The following MVB12B variants were observed in gnomAD, a reference collection of about 807,000 sequenced individuals.
The protein encoded by MVB12B is ESCRT-I complex subunit MVB12B.
MVB12B carries 16 observed loss-of-function variants against 41.6 expected under a neutral mutation model. The observed-to-expected ratio is 0.38, with a 90% confidence interval of 0.26 to 0.58. The LOEUF is 0.58. Among genes scored for constraint, MVB12B ranks in the 20% least tolerant of loss-of-function variants. The pLI, the probability that MVB12B is intolerant of heterozygous loss-of-function variation, is 0.62. For missense variants in MVB12B, 274 were observed against 380.2 expected (o/e 0.72, Z 2.32); for synonymous variants, 133 against 139.7 (o/e 0.95, Z 0.34).
At chr9:126,358,806 G>A (rs1829951184) in intron 2 of MVB12B, among the ~76,000 whole-genome samples, 1 of 152,120 alleles carries the variant, frequency 6.6e-6, no homozygotes, top group Non-Finnish European at 1.5e-5. Context: ...TCCCTGAACT[G>A]GCTAGAGCAT....
chr9:126,455,057 A>C lies in MVB12B; in HGVS notation c.758-26312A>C, dbSNP rs77737074. Among the ~76,000 whole-genome samples, 121 of 152,276 alleles carry C rather than the reference A, an allele frequency of 7.9e-4. 1 individual carries two copies. In the South Asian group the frequency reaches 0.012, roughly 15 times the overall value. On this transcript the variant is annotated intron_variant, in intron 7 of 9. Coordinates refer to ENST00000361171, the MANE Select transcript of MVB12B (RefSeq NM_033446.3). ...GTCCTGGCAGGGCTACCTGGGCCAA[A>C]ACCCTATTTCTAGGCCCCTTAAAGG...
chr9:126,340,596 C>T lies in MVB12B; in HGVS notation c.170C>T (p.Ala57Val), dbSNP rs1487674130. Residue 57 changes from alanine to valine, a missense_variant, in exon 2 of 10, where the codon GCT (alanine) becomes GTT (valine). By Grantham distance (64) the Ala-to-Val change is moderately conservative. Transcript: ENST00000361171. This position sits in a 1 kb window ranked among gnomAD's most constrained non-coding sequence, Gnocchi z 4.0. Reference sequence around the variant, plus strand: ...CCCATCACGGGAGTCGGGGTGGTGGCTTCTCGGAACCGAGCCCCGACAGGC... The same window carrying T: ...CCCATCACGGGAGTCGGGGTGGTGGTTTCTCGGAACCGAGCCCCGACAGGC... ...MDPITGVGVVASRNRAPTGYD... is the reference protein window; with the variant it reads ...MDPITGVGVVVSRNRAPTGYD... 3.7e-6 allele frequency: 6 copies of T among 1,614,108 alleles called. No individual in the cohort carries two copies. The highest frequency in any genetic ancestry group is 1.7e-5 in the Admixed American group (1 of 60,018).
Position 126,402,229 on chromosome 9 carries a change from G to T in MVB12B, c.662+6532G>T, listed in dbSNP as rs1831286270. Among the ~76,000 whole-genome samples, 6 of 152,226 alleles carry T rather than the reference G, an allele frequency of 3.9e-5. No individual in the cohort carries two copies. In the South Asian group the frequency reaches 1.2e-3, roughly 32 times the overall value. ...CCAGGTGATTCCAATGACTCTTTTT[G>T]TCCCCTAGTAATAAATTGTGACATG... is the stretch of plus-strand genomic sequence containing the variant. On this transcript the variant is annotated intron_variant, in intron 6 of 9. Transcript: ENST00000361171.
chr9:126,334,064 C>T (rs1829209955), intron 1 of MVB12B, among the ~76,000 whole-genome samples: 1 of 152,240 alleles, frequency 6.6e-6, no homozygotes, highest in Non-Finnish European at 1.5e-5. Context: ...TTAACGACCT[C>T]TTCTGGTGAT....
rs917643806 is a variant in MVB12B at position 126,506,468 on chromosome 9, G to A, written c.*3205G>A. 1 of 152,348 alleles carries A rather than the reference G, an allele frequency of 6.6e-6. No homozygotes were observed. Among genetic ancestry groups the A allele is most frequent in the Non-Finnish European group, 1.5e-5 (1 of 68,094 alleles). The allele number at this position is 152,348 out of a possible 1,614,324, so 9.4% of individuals were successfully genotyped here. A position where few individuals can be genotyped will look rare whatever the true frequency, so the allele number is the denominator to read the frequency against. On this transcript the variant is annotated 3_prime_UTR_variant, in exon 10 of 10. Transcript: ENST00000361171. ...GTTACGGACTTCCCGGCCGCCACTG[G>A]GCCCTGCCGGTCACCAGGCCACTGT... is the stretch of plus-strand genomic sequence containing the variant.
Position 126,473,829 on chromosome 9 carries a change from C to T in MVB12B, c.758-7540C>T, listed in dbSNP as rs1031149510. Among the ~76,000 whole-genome samples, 2 of 152,204 alleles carry T rather than the reference C, an allele frequency of 1.3e-5. No homozygotes were observed. The highest frequency in any genetic ancestry group is 2.9e-5 in the Non-Finnish European group (2 of 68,040). ...TGGGTGGGGACACAGATTCAAGCCA[C>T]GTTAAGTGGTAATGTTGAGGCTTGA... is the stretch of plus-strand genomic sequence containing the variant. On this transcript the variant is annotated intron_variant, in intron 7 of 9. Transcript: ENST00000361171. This position sits in a 1 kb window ranked among gnomAD's most constrained non-coding sequence, Gnocchi z 4.0.
intron 7 of MVB12B, among the ~76,000 whole-genome samples, chr9:126,466,705 A>G (rs1341080387): frequency 6.6e-6 from 1 of 152,196 alleles, no homozygotes. Context: ...GGTGCCCTAG[A>G]GATGCATACT....
chr9:126,495,192 A>T (rs1274178336), intron 9 of MVB12B, among the ~76,000 whole-genome samples: 1 of 1,422 alleles, frequency 7.0e-4, no homozygotes, highest in Non-Finnish European at 0.013. Context: ...ATCCTGTCTC[A>T]AAAAAAAAAA....
At chr9:126,373,871 AAC>A in intron 2 of MVB12B, among the ~76,000 whole-genome samples, 1 of 152,244 alleles carries the variant, frequency 6.6e-6, no homozygotes, top group South Asian at 2.1e-4. Flanking sequence ...GAAAAAAAAG[AAC>A]ATTAAAAATA....
intron 9 of MVB12B, among the ~76,000 whole-genome samples, chr9:126,493,892 C>T (rs1833781571): frequency 6.6e-6 from 1 of 152,148 alleles, no homozygotes; most frequent in South Asian, 2.1e-4. Flanking sequence ...CATCGGTTCC[C>T]CAGGCAGGCA....
chr9:126,335,116 A>C, intron 1 of MVB12B: 9 of 575,090 alleles, frequency 1.6e-5, no homozygotes, highest in Non-Finnish European at 2.0e-5. Context: ...GCGATCTAGG[A>C]GAGCTTAGAA....
chr9:126,415,540 T>C (rs1277978182), intron 6 of MVB12B, among the ~76,000 whole-genome samples: 1 of 152,178 alleles, frequency 6.6e-6, no homozygotes, highest in Non-Finnish European at 1.5e-5. Context: ...CGTAAAAATA[T>C]CGTGAATCAG....
intron 9 of MVB12B, among the ~76,000 whole-genome samples, chr9:126,498,901 A>T (rs1003997455): frequency 2.0e-5 from 3 of 152,182 alleles, no homozygotes; most frequent in African/African-American, 7.2e-5. Context: ...GTGTTTTCAA[A>T]AAATGCTGGT....
rs1209090265 is a variant in MVB12B, at chr9:126,392,368, CCTCGG to C, written c.539+178_539+182del. Reference sequence around the variant, plus strand: ...CCTGCTCAGCTGCGGTCTCTCTGAGCCTCGGCTCGCACTGCTGACTCCACCTTAGG... The same window carrying C: ...CCTGCTCAGCTGCGGTCTCTCTGAGCCTCGCACTGCTGACTCCACCTTAGG... On this transcript the variant is annotated intron_variant, in intron 5 of 9. Coordinates refer to ENST00000361171, the MANE Select transcript of MVB12B (RefSeq NM_033446.3). This position sits in a 1 kb window ranked among gnomAD's most constrained non-coding sequence, Gnocchi z 4.8. Among the ~76,000 whole-genome samples, 1 of 152,220 alleles carries C rather than the reference CCTCGG, an allele frequency of 6.6e-6. No individual in the cohort carries two copies. The highest frequency in any genetic ancestry group is 1.5e-5 in the Non-Finnish European group (1 of 68,040).
chr9:126,503,622 C>G lies in MVB12B; in HGVS notation c.*359C>G, dbSNP rs936030960. On this transcript the variant is annotated 3_prime_UTR_variant, in exon 10 of 10. Transcript: ENST00000361171. ...GGCCGCCCAGTGACGCCCACCGGCTCCCTCCGCTCCCTCCTGTCACCTACC... is the reference window on the plus strand; with the variant it reads ...GGCCGCCCAGTGACGCCCACCGGCTGCCTCCGCTCCCTCCTGTCACCTACC... 40 of 197,146 alleles carry G rather than the reference C, an allele frequency of 2.0e-4. No homozygotes were observed. Among genetic ancestry groups the G allele is most frequent in the East Asian group, 1.9e-3 (18 of 9,232 alleles). 12.2% of individuals were successfully genotyped at this position (197,146 alleles called of 1,614,324 possible).
chr9:126,393,355 C>T (rs1212131867), intron 5 of MVB12B, among the ~76,000 whole-genome samples: 15 of 152,198 alleles, frequency 9.9e-5, no homozygotes. Context: ...GTTTCCCCCT[C>T]GAGGAGGCCT....
At chr9:126,351,101 G>A (rs545631209) in intron 2 of MVB12B, among the ~76,000 whole-genome samples, 181 of 152,276 alleles carry the variant, frequency 1.2e-3, no homozygotes, top group Middle Eastern at 3.4e-3. Flanking sequence ...GCTCTATAAT[G>A]TTTTGGTAGA....
intron 9 of MVB12B, among the ~76,000 whole-genome samples, chr9:126,501,200 C>T (rs180955672): frequency 4.9e-4 from 75 of 152,354 alleles, no homozygotes; most frequent in Admixed American, 7.8e-4. Flanking sequence ...GCTGGCGCTG[C>T]ATGGTGGGTT....
chr9:126,435,658 C>CAAA (rs34798291), intron 7 of MVB12B, among the ~76,000 whole-genome samples: 1 of 125,076 alleles, frequency 8.0e-6, no homozygotes. Flanking sequence ...TTATTTTAGC[C>CAAA]AAAAAAAAAA....
Sources: allele counts gnomAD v4.1 joint callset (sites outside exome capture counted in the v4.1 genomes callset), GRCh38; gene constraint gnomAD v4.1.1; non-coding constraint Gnocchi (gnomAD v3.1); transcripts MANE v1.5; gene names NCBI Gene and HGNC (gene_info 2026-07-23, HGNC 2026-07-21).